TNNT3: variants seen among roughly 807,000 people sequenced by gnomAD.
The protein encoded by TNNT3 is troponin T3, fast skeletal type, also known as troponin T, fast skeletal muscle.
Under a neutral mutation model 54.2 loss-of-function variants are expected in TNNT3, and 36 were observed. The ratio of observed to expected loss-of-function variants is 0.66; its 90% confidence interval spans 0.51 to 0.88. TNNT3 has a LOEUF of 0.88. Among genes scored for constraint, TNNT3 ranks in the 40% least tolerant of loss-of-function variants. TNNT3 has a pLI of 0.00. For synonymous variants in TNNT3, 120 were observed against 109.7 expected, an observed-to-expected ratio of 1.09 and a Z score of -0.59; for missense variants, 291 against 331.6, an observed-to-expected ratio of 0.88 and a Z score of 0.95.
chr11:1,931,511 G>A (rs1300368843), intron 8 of TNNT3, among the ~76,000 whole-genome samples: 1 of 151,790 alleles, frequency 6.6e-6, no homozygotes, highest in African/African-American at 2.4e-5. Flanking sequence ...TTGGCTTTGC[G>A]CCCTAACAGT....
chr11:1,928,941 T>C (rs1236634334), intron 6 of TNNT3, 179 bp from the exon 7 acceptor site: 3 of 731,266 alleles, frequency 4.1e-6, no homozygotes, highest in Non-Finnish European at 7.3e-6. Flanking sequence ...CCCCAGGCAT[T>C]GATTCACCGG....
At position 1,937,095 on chromosome 11, in the gene TNNT3, C is replaced by CT. The variant is rs1217911640; in HGVS notation, c.722+93dup. 6 of 1,388,074 alleles carry CT rather than the reference C, an allele frequency of 4.3e-6. No individual in the cohort carries two copies. In the East Asian group the frequency reaches 1.5e-4, roughly 34 times the overall value. The allele number at this position is 1,388,074 out of a possible 1,614,324, so 86.0% of individuals were successfully genotyped here. On this transcript the variant is annotated intron_variant, in intron 15 of 15. Transcript: ENST00000278317. ...AGTCCCTAACAAGGGCCGGTGGTGG[C>CT]TGGCCTCGGCAGGGCAGTAACGAGA... is the stretch of plus-strand genomic sequence containing the variant.
chr11:1,919,986 C>A (rs1849727856), intron 1 of TNNT3, among the ~76,000 whole-genome samples: 1 of 152,170 alleles, frequency 6.6e-6, no homozygotes, highest in Non-Finnish European at 1.5e-5. Context: ...ATGGTCTCAG[C>A]ACCGGGAGGA....
intron 3 of TNNT3, among the ~76,000 whole-genome samples, chr11:1,923,290 G>C (rs1850577558): frequency 6.6e-6 from 1 of 152,106 alleles, no homozygotes; most frequent in Non-Finnish European, 1.5e-5. Context: ...GTCAGGCTCT[G>C]GGTCCTGTCT....
intron 4 of TNNT3, among the ~76,000 whole-genome samples, chr11:1,924,586 A>G (rs1850986406): frequency 6.6e-6 from 1 of 152,168 alleles, no homozygotes; most frequent in Non-Finnish European, 1.5e-5. Flanking sequence ...GGCACTGGGG[A>G]GCCATCTTTT....
In TNNT3 at chr11:1,933,717, A is replaced by G. The variant is rs1376498571; in HGVS notation, c.172-4A>G. On this transcript the variant is annotated splice_region_variant and splice_polypyrimidine_tract_variant and intron_variant, in intron 9 of 15. Coordinates refer to ENST00000278317, the MANE Select transcript of TNNT3 (RefSeq NM_006757.4). ...GGGCTCACACCCACTGCCCCTGCCCACAGGACATCCAGAAGAAGCGTCAGA... is the reference window on the plus strand; with the variant it reads ...GGGCTCACACCCACTGCCCCTGCCCGCAGGACATCCAGAAGAAGCGTCAGA... The G allele has an allele frequency of 6.2e-7, 1 of 1,612,410 alleles. No individual in the cohort carries two copies. The highest frequency in any genetic ancestry group is 8.5e-7 in the Non-Finnish European group (1 of 1,179,468).
intron 7 of TNNT3, 67 bp from the exon 8 acceptor site, chr11:1,929,743 C>G: frequency 6.5e-7 from 1 of 1,539,200 alleles, no homozygotes; most frequent in Non-Finnish European, 8.8e-7. Context: ...CCAGTCTCAC[C>G]CAGGCTGTCT....
intron 6 of TNNT3, chr11:1,927,888 C>T (rs1210963955): frequency 6.6e-6 from 1 of 152,356 alleles, no homozygotes; most frequent in Admixed American, 6.5e-5. Flanking sequence ...CCTTCCGGGC[C>T]CTTGGCTGGA....
At chr11:1,925,280 T>G in intron 5 of TNNT3, 164 bp downstream of exon 5, 5 of 1,600,292 alleles carry the variant, frequency 3.1e-6, no homozygotes, top group Non-Finnish European at 4.3e-6. Context: ...GAGGAAGGTA[T>G]GAGGACACAG....
chr11:1,927,311 A>C (rs1386248833), intron 6 of TNNT3, among the ~76,000 whole-genome samples: 1 of 152,046 alleles, frequency 6.6e-6, no homozygotes, highest in African/African-American at 2.4e-5. Flanking sequence ...ACACACCCGG[A>C]GTGAGGAGGC....
intron 15 of TNNT3, among the ~76,000 whole-genome samples, chr11:1,937,893 C>T (rs566373916): frequency 2.6e-5 from 4 of 152,168 alleles, no homozygotes; most frequent in South Asian, 2.1e-4. Context: ...TGTGAGGGCA[C>T]GGCCTTTGCC....
intron 1 of TNNT3, among the ~76,000 whole-genome samples, chr11:1,921,962 C>T (rs764475096): frequency 6.6e-5 from 10 of 152,220 alleles, no homozygotes; most frequent in Non-Finnish European, 1.5e-4. Flanking sequence ...ACAGGGCAGC[C>T]AGTCCTGGGC....
At chr11:1,935,064 G>GGTCCGTGGCA in intron 14 of TNNT3, 145 bp downstream of exon 14, 1 of 785,446 alleles carries the variant, frequency 1.3e-6, no homozygotes, top group Non-Finnish European at 2.2e-6. Context: ...TGTTGCCACG[G>GGTCCGTGGCA]ACCCCTGGCT....
Position 1,926,613 on chromosome 11 carries a change from G to A in TNNT3, c.68-82G>A, listed in dbSNP as rs559799024. 17 of 1,608,618 alleles carry A rather than the reference G, an allele frequency of 1.1e-5. No individual in the cohort carries two copies. The East Asian group carries it at 1.3e-4, about 13-fold the overall frequency. On this transcript the variant is annotated intron_variant, in intron 5 of 15. Transcript: ENST00000278317. ...TCGCTCCGCCGCCTCGGCCCTGCCC[G>A]CCCTCCTCTCTGCGCTGCCACCACT...
chr11:1,928,055 G>C (rs1852135177), intron 6 of TNNT3: 1 of 152,668 alleles, frequency 6.6e-6, no homozygotes, highest in African/African-American at 2.4e-5. Flanking sequence ...CCAGCGAGGA[G>C]GACTCAAGGA....
chr11:1,936,271 G>A (rs775654143), intron 14 of TNNT3: 106 of 1,613,288 alleles, frequency 6.6e-5, no homozygotes, highest in Non-Finnish European at 8.5e-5. Context: ...AGCCGGGTCC[G>A]CCCTGGGCCA....
At chr11:1,932,051 TG>T (rs1472016967) in intron 8 of TNNT3, among the ~76,000 whole-genome samples, 1 of 152,190 alleles carries the variant, frequency 6.6e-6, no homozygotes, top group East Asian at 1.9e-4. Context: ...AAAGAGGGGC[TG>T]GGGAAAGGCA....
intron 4 of TNNT3, among the ~76,000 whole-genome samples, chr11:1,924,565 G>A (rs146212500): frequency 6.1e-4 from 93 of 152,340 alleles, no homozygotes; most frequent in Non-Finnish European, 1.1e-3. Flanking sequence ...TCATTTCTGC[G>A]AGGGAAATAT....
At chr11:1,936,322 C>A (rs1044750916) in intron 14 of TNNT3, 1 of 1,560,264 alleles carries the variant, frequency 6.4e-7, no homozygotes, top group Admixed American at 1.7e-5. Context: ...GAACCTCTCG[C>A]ATGGCAAAAA....
Sources: gnomAD v4.1 joint callset for allele counts (sites outside exome capture counted in the v4.1 genomes callset) on GRCh38, gnomAD v4.1.1 for gene constraint, MANE v1.5 for transcripts, NCBI Gene and HGNC (gene_info 2026-07-23, HGNC 2026-07-21) for gene names.